The following CUL5 variants were observed in gnomAD, a reference collection of about 807,000 sequenced individuals.
CUL5 encodes the protein cullin-5.
A neutral mutation model predicts 108.8 loss-of-function variants in CUL5; 26 were observed. The observed-to-expected ratio is 0.24, with a 90% CI of 0.18 to 0.33. The LOEUF is 0.33. CUL5 is among the 10% of genes least tolerant of loss of function. The pLI is 1.00. For synonymous variants in CUL5, 334 were observed against 298.0 expected, an observed-to-expected ratio of 1.12 and a Z score of -1.25; for missense variants, 524 against 909.2, an observed-to-expected ratio of 0.58 and a Z score of 5.45.
At chr11:108,044,550 A>C (rs1863020604) in intron 2 of CUL5, among the ~76,000 whole-genome samples, 1 of 151,782 alleles carries the variant, frequency 6.6e-6, no homozygotes, top group African/African-American at 2.4e-5. Flanking sequence ...GATTATTGAC[A>C]TGTTGTAATT....
Position 108,088,659 on chromosome 11 carries a change from G to T in CUL5, c.1311G>T (p.Val437=). 2.6e-6 allele frequency: 4 copies of T among 1,565,972 alleles called. No individual in the cohort carries two copies. The highest frequency in any genetic ancestry group is 2.3e-5 in the East Asian group (1 of 43,392). ...SEEIEAKLKE[V]LLVLKYVQNK... is the part of the protein sequence containing the mutation. ...AGATTGAAGCAAAGCTTAAAGAAGTGGTACATGAATTTTTTGTATTTCAAC... is the reference window on the plus strand; with the variant it reads ...AGATTGAAGCAAAGCTTAAAGAAGTTGTACATGAATTTTTTGTATTTCAAC... The change falls in exon 12 of 19, where the codon GTG becomes GTT. Residue 437 remains valine (V), a splice_region_variant and synonymous_variant. Coordinates refer to ENST00000393094, the MANE Select transcript of CUL5 (RefSeq NM_003478.6).
Position 108,105,828 on chromosome 11 carries a change from A to T in CUL5, c.*1444A>T, listed in dbSNP as rs1864785778. 6.6e-6 allele frequency: 1 copy of T among 152,146 alleles called. No individual in the cohort carries two copies. The highest frequency in any genetic ancestry group is 6.5e-5 in the Admixed American group (1 of 15,276). The allele number at this position is 152,146 out of a possible 1,614,324, so 9.4% of individuals were successfully genotyped here. On this transcript the variant is annotated 3_prime_UTR_variant, in exon 19 of 19. Coordinates refer to ENST00000393094, the MANE Select transcript of CUL5 (RefSeq NM_003478.6). ...TATTTTTAAAGTATGGTTTTTGAAG[A>T]TAGTAGGAAATGGAGTACAGAAAGG...
At chr11:108,073,216 GAAGA>G (rs1190502942) in intron 9 of CUL5, among the ~76,000 whole-genome samples, 170 bp from the exon 10 acceptor site, 1 of 151,162 alleles carries the variant, frequency 6.6e-6, no homozygotes, top group Non-Finnish European at 1.5e-5. Context: ...AAAAAAAAAG[GAAGA>G]AAGAAAAAAG....
intron 1 of CUL5, among the ~76,000 whole-genome samples, chr11:108,014,537 C>T (rs1396819628): frequency 6.6e-6 from 1 of 152,150 alleles, no homozygotes; most frequent in African/African-American, 2.4e-5. Flanking sequence ...GGCTTTTACA[C>T]ATAAATAAAA....
chr11:108,019,555 A>G (rs1010412459), intron 1 of CUL5, among the ~76,000 whole-genome samples: 11 of 152,178 alleles, frequency 7.2e-5, no homozygotes, highest in Middle Eastern at 3.4e-3. Flanking sequence ...AAAAATTCCT[A>G]TTGTCTGGCA....
intron 11 of CUL5, among the ~76,000 whole-genome samples, chr11:108,083,495 G>A (rs1274576005): frequency 6.6e-6 from 1 of 152,220 alleles, no homozygotes; most frequent in East Asian, 1.9e-4. Flanking sequence ...CCACATTAAA[G>A]TAGAACATTT....
At chr11:108,045,943 A>G (rs1249496214) in intron 2 of CUL5, among the ~76,000 whole-genome samples, 6 of 152,194 alleles carry the variant, frequency 3.9e-5, no homozygotes, top group African/African-American at 1.2e-4. Context: ...AATTAAAAGG[A>G]TTTGTAGTTG....
At chr11:108,020,469 T>C (rs1862300933) in intron 1 of CUL5, among the ~76,000 whole-genome samples, 1 of 152,064 alleles carries the variant, frequency 6.6e-6, no homozygotes, top group Admixed American at 6.6e-5. Flanking sequence ...CTTTTTTTAA[T>C]AGAAAAGTTT....
At chr11:108,100,039 C>A (rs997708764) in intron 18 of CUL5, among the ~76,000 whole-genome samples, 6 of 151,074 alleles carry the variant, frequency 4.0e-5, no homozygotes, top group Admixed American at 1.3e-4. Flanking sequence ...ATATTAATAT[C>A]AAGTTCAAAA....
At chr11:108,029,687 T>G (rs1015997272) in intron 1 of CUL5, among the ~76,000 whole-genome samples, 4 of 152,232 alleles carry the variant, frequency 2.6e-5, no homozygotes, top group African/African-American at 9.6e-5. Flanking sequence ...TATAAAAGTT[T>G]AATAGAAAAC....
At chr11:108,073,557 CTAA>C (rs1475170581) in intron 10 of CUL5, 60 bp downstream of exon 10, 1 of 713,238 alleles carries the variant, frequency 1.4e-6, no homozygotes, top group South Asian at 2.7e-5. Context: ...TAATTTACTT[CTAA>C]TAATCAATTT....
chr11:108,034,017 A>C (rs1011616926), intron 2 of CUL5, 106 bp downstream of exon 2: 24 of 705,606 alleles, frequency 3.4e-5, no homozygotes, highest in Non-Finnish European at 5.4e-5. Context: ...TTACCTATTA[A>C]AAAGTATTAC....
At chr11:108,094,616 T>C in intron 14 of CUL5, 102 bp downstream of exon 14, 1 of 820,966 alleles carries the variant, frequency 1.2e-6, no homozygotes, top group Non-Finnish European at 1.8e-6. Context: ...GATCGAAAGA[T>C]GTTATGAAGT....
chr11:108,062,213 A>G (rs906586068), intron 7 of CUL5, among the ~76,000 whole-genome samples: 22 of 145,162 alleles, frequency 1.5e-4, no homozygotes, highest in African/African-American at 5.5e-4. Context: ...GAATATCCTT[A>G]AATACCTCTA....
At chr11:108,049,689 C>T (rs116176321) in intron 3 of CUL5, among the ~76,000 whole-genome samples, 2,402 of 152,158 alleles carry the variant, frequency 0.016, 61 homozygotes, top group African/African-American at 0.055. Flanking sequence ...TGGGTTGTTT[C>T]TATTTTTTAT....
chr11:108,013,255 C>A (rs912248290), intron 1 of CUL5, among the ~76,000 whole-genome samples: 42 of 152,114 alleles, frequency 2.8e-4, no homozygotes, highest in African/African-American at 9.9e-4. Flanking sequence ...AGAATTATTT[C>A]TCAGGATTTT....
At chr11:108,041,559 A>C (rs1056565243) in intron 2 of CUL5, among the ~76,000 whole-genome samples, 9 of 151,002 alleles carry the variant, frequency 6.0e-5, no homozygotes, top group African/African-American at 2.2e-4. Flanking sequence ...TTACAGGTAG[A>C]GCCACCATGC....
At chr11:108,055,088 G>T in intron 7 of CUL5, 133 bp downstream of exon 7, 1 of 699,808 alleles carries the variant, frequency 1.4e-6, no homozygotes, top group Non-Finnish European at 2.4e-6. Context: ...TTTTGCCTAT[G>T]AGCCATAGCA....
At position 108,020,535 on chromosome 11, in the gene CUL5, AT is replaced by A. The variant is rs34112083; in HGVS notation, c.24+11176del. Reference sequence around the variant, plus strand: ...GTTTGTGCAGCTGAATGTGTTTGTGATTTTTTTTTTTTTGTTTTTTGTTTAA... The same window carrying A: ...GTTTGTGCAGCTGAATGTGTTTGTGATTTTTTTTTTTTGTTTTTTGTTTAA... On this transcript the variant is annotated intron_variant, in intron 1 of 18. Transcript: ENST00000393094. 7.9e-3 allele frequency among the ~76,000 whole-genome samples: 1,172 copies of A among 148,196 alleles called. 14 individuals carry two copies. The highest frequency in any genetic ancestry group is 0.025 in the African/African-American group (1,027 of 40,336).
Sources: allele counts gnomAD v4.1 joint callset (sites outside exome capture counted in the v4.1 genomes callset), GRCh38; gene constraint gnomAD v4.1.1; transcripts MANE v1.5; gene names NCBI Gene and HGNC (gene_info 2026-07-23, HGNC 2026-07-21).